STX16: variants seen among roughly 807,000 people sequenced by gnomAD.
STX16 encodes syntaxin 16.
Under a neutral mutation model 42.7 loss-of-function variants are expected in STX16, and 28 were observed. The observed-to-expected ratio is 0.66, with a 90% CI of 0.49 to 0.90. The LOEUF (loss-of-function observed/expected upper bound fraction) is 0.90, where lower values mean the gene tolerates loss of function less well. Among genes scored for constraint, STX16 ranks in the 40% least tolerant of loss-of-function variants. The pLI, the probability that STX16 is intolerant of heterozygous loss-of-function variation, is 0.00. For synonymous variants in STX16, 156 were observed against 155.2 expected (o/e 1.00, Z -0.04); for missense variants, 361 against 420.9 (o/e 0.86, Z 1.24).
At position 58,676,532 on chromosome 20, in the gene STX16, G is replaced by A; in HGVS notation, c.*241G>A. On this transcript the variant is annotated 3_prime_UTR_variant, in exon 9 of 9. Transcript: ENST00000371141. Reference sequence around the variant, plus strand: ...GGACCTTTGATACTGCTGCACAATAGAGATTGAGTTCTGGGATCAGTTATA... The same window carrying A: ...GGACCTTTGATACTGCTGCACAATAAAGATTGAGTTCTGGGATCAGTTATA... The A allele has an allele frequency of 4.3e-6, 2 of 462,398 alleles. No homozygotes were observed. Among genetic ancestry groups the A allele is most frequent in the Non-Finnish European group, 3.8e-6 (1 of 261,640 alleles). The allele number at this position is 462,398 out of a possible 1,614,324, so 28.6% of individuals were successfully genotyped here.
Position 58,664,557 on chromosome 20 carries a change from T to A in STX16, c.145-2933T>A, listed in dbSNP as rs138552863. 4.1e-3 allele frequency among the ~76,000 whole-genome samples: 623 copies of A among 152,348 alleles called. 4 individuals are homozygous for A. The highest frequency in any genetic ancestry group is 7.5e-3 in the Admixed American group (115 of 15,312). The stretch of plus-strand genomic sequence containing the variant: ...TGCTGTTCATGTAGGAATCTCTAAT[T>A]AGCAAGCTTCCTTAGGACCCTTAAC... On this transcript the variant is annotated intron_variant, in intron 2 of 8. Transcript: ENST00000371141.
rs2084210646 is a variant in STX16, at chr20:58,679,161, T to C, written c.*2870T>C. The C allele has an allele frequency of 6.6e-6, 1 of 152,330 alleles. No homozygotes were observed. Among genetic ancestry groups the C allele is most frequent in the East Asian group, 1.9e-4 (1 of 5,196 alleles). The allele number at this position is 152,330 out of a possible 1,614,324, so 9.4% of individuals were successfully genotyped here. On this transcript the variant is annotated 3_prime_UTR_variant, in exon 9 of 9. Transcript: ENST00000371141. The stretch of plus-strand genomic sequence containing the variant: ...ACTGCTGTCTCTTGTTTTGTTCGTT[T>C]TGGGGGTGGTGGTGCTGGCTGGGCC...
Position 58,651,990 on chromosome 20 carries a change from G to A in STX16, c.-17G>A, listed in dbSNP as rs759024848. ...TGGGCGGGGGGCCCCTGAGAGGGGG[G>A]TCGCAAAGGGTGAGACATGGCCACC... On this transcript the variant is annotated 5_prime_UTR_variant, in exon 1 of 9. Transcript: ENST00000371141. The A allele has an allele frequency of 2.2e-5, 36 of 1,613,174 alleles. No homozygotes were observed. Among genetic ancestry groups the A allele is most frequent in the Non-Finnish European group, 3.1e-5 (36 of 1,179,306 alleles).
chr20:58,673,656 A>G lies in STX16; in HGVS notation c.818A>G (p.Tyr273Cys), dbSNP rs1287880920. Residue 273 changes from tyrosine to cysteine, a missense_variant, in exon 8 of 9, where the codon TAT becomes TGT. Physicochemically the swap from Tyr to Cys is radical, Grantham distance 194. Coordinates refer to ENST00000371141, the MANE Select transcript of STX16 (RefSeq NM_001001433.3). ...EQGTVLDRIDYNVEQSCIKTE... is the reference protein window; with the variant it reads ...EQGTVLDRIDCNVEQSCIKTE... ...GGTACAGTCCTTGACAGAATTGACTATAACGTTGAACAGTCCTGTATCAAA... is the reference window on the plus strand; with the variant it reads ...GGTACAGTCCTTGACAGAATTGACTGTAACGTTGAACAGTCCTGTATCAAA... 3.1e-6 allele frequency: 5 copies of G among 1,613,284 alleles called. No homozygotes were observed. The highest frequency in any genetic ancestry group is 1.3e-5 in the African/African-American group (1 of 74,922).
chr20:58,658,319 T>C (rs964681389), intron 1 of STX16, among the ~76,000 whole-genome samples: 2 of 152,214 alleles, frequency 1.3e-5, no homozygotes, highest in Admixed American at 6.5e-5. Context: ...TTTTAAAAAA[T>C]AAAAACATTT....
chr20:58,673,980 A>T (rs2123017792), intron 8 of STX16, among the ~76,000 whole-genome samples: 1 of 152,362 alleles, frequency 6.6e-6, no homozygotes, highest in Non-Finnish European at 1.5e-5. Context: ...TTCTAAAGAG[A>T]TTGGAGTTCT....
chr20:58,667,343 A>G (rs1033693074), intron 2 of STX16, 147 bp from the exon 3 acceptor site: 6 of 743,518 alleles, frequency 8.1e-6, no homozygotes, highest in African/African-American at 1.7e-5. Flanking sequence ...TCCTTTCTAT[A>G]TATTTTCAGG....
chr20:58,665,232 C>T (rs1017510141), intron 2 of STX16, among the ~76,000 whole-genome samples: 2 of 152,190 alleles, frequency 1.3e-5, no homozygotes, highest in South Asian at 2.1e-4. Flanking sequence ...TCTCTGTCCA[C>T]GGATGGTCAG....
rs769904725 is a variant in STX16, at chr20:58,668,172, A to G, written c.393+45A>G. 2.7e-5 allele frequency: 43 copies of G among 1,607,582 alleles called. No homozygotes were observed. The Admixed American group carries it at 6.9e-4, about 26-fold the overall frequency. On this transcript the variant is annotated intron_variant, in intron 4 of 8. Transcript: ENST00000371141. ...CCTGGGGAAACCAGCGAGCCTTCTCATGGCAATCTCAGAAACTAGAGTGTT... is the reference window on the plus strand; with the variant it reads ...CCTGGGGAAACCAGCGAGCCTTCTCGTGGCAATCTCAGAAACTAGAGTGTT...
intron 8 of STX16, among the ~76,000 whole-genome samples, chr20:58,674,716 T>C (rs549656172): frequency 6.6e-6 from 1 of 152,290 alleles, no homozygotes; most frequent in East Asian, 1.9e-4. Context: ...ACCTTGTCTA[T>C]GCAGGGTTTT....
At chr20:58,675,790 A>G (rs1332554385) in intron 8 of STX16, among the ~76,000 whole-genome samples, 1 of 152,088 alleles carries the variant, frequency 6.6e-6, no homozygotes, top group Non-Finnish European at 1.5e-5. Context: ...CGGTGAAGGA[A>G]CTGTGCATTC....
intron 6 of STX16, among the ~76,000 whole-genome samples, chr20:58,670,923 G>C (rs1031451970): frequency 6.6e-6 from 1 of 152,162 alleles, no homozygotes; most frequent in African/African-American, 2.4e-5. Context: ...GCAGACGTGG[G>C]CTTCTGTCTT....
chr20:58,661,901 C>A (rs2083709391), intron 2 of STX16, among the ~76,000 whole-genome samples: 1 of 152,214 alleles, frequency 6.6e-6, no homozygotes, highest in Non-Finnish European at 1.5e-5. Context: ...TTGCATCTCC[C>A]AGAGTAAAGG....
intron 4 of STX16, 112 bp from the exon 5 acceptor site, chr20:58,669,179 C>T (rs2083909231): frequency 8.7e-7 from 1 of 1,154,426 alleles, no homozygotes; most frequent in Non-Finnish European, 1.2e-6. Flanking sequence ...TTTCTCTAAA[C>T]CAGACTGAGT....
chr20:58,670,308 G>C (rs933529247), intron 5 of STX16, among the ~76,000 whole-genome samples: 2 of 152,168 alleles, frequency 1.3e-5, no homozygotes, highest in African/African-American at 4.8e-5. Flanking sequence ...TTTGTCTTGA[G>C]TAATCCCAAA....
intron 1 of STX16, 94 bp from the exon 2 acceptor site, chr20:58,659,529 A>G: frequency 3.0e-6 from 4 of 1,330,554 alleles, no homozygotes; most frequent in South Asian, 2.9e-5. Flanking sequence ...TGTTTTCTCA[A>G]CTGACCATGC....
chr20:58,679,344 C>G lies in STX16; in HGVS notation c.*3053C>G, dbSNP rs769976417. 6.6e-6 allele frequency: 1 copy of G among 152,622 alleles called. No homozygotes were observed. Among genetic ancestry groups the G allele is most frequent in the Non-Finnish European group, 1.5e-5 (1 of 68,046 alleles). 9.5% of individuals were successfully genotyped at this position (152,622 alleles called of 1,614,324 possible). On this transcript the variant is annotated 3_prime_UTR_variant, in exon 9 of 9. Coordinates refer to ENST00000371141, the MANE Select transcript of STX16 (RefSeq NM_001001433.3). ...CTTAAAGGTAATAAAACCCTTCCAA[C>G]GTAATTGGTCAGATAAAACTTTTTT... is the stretch of plus-strand genomic sequence containing the variant.
chr20:58,676,376 A>C lies in STX16; in HGVS notation c.*85A>C. On this transcript the variant is annotated 3_prime_UTR_variant, in exon 9 of 9. Transcript: ENST00000371141. The stretch of plus-strand genomic sequence containing the variant: ...CCTGCGCCCCGCCAGCTGCCCGCAG[A>C]GGTGCAGCCTCGAGGAATCTGAGGG... 8.0e-7 allele frequency: 1 copy of C among 1,244,308 alleles called. No homozygotes were observed. Among genetic ancestry groups the C allele is most frequent in the Non-Finnish European group, 1.2e-6 (1 of 847,068 alleles). 77.1% of individuals were successfully genotyped at this position (1,244,308 alleles called of 1,614,324 possible).
At chr20:58,652,333 G>C in intron 1 of STX16, 195 bp downstream of exon 1, 1 of 761,400 alleles carries the variant, frequency 1.3e-6, no homozygotes, top group East Asian at 3.1e-5. Flanking sequence ...TGAGGCCGCA[G>C]CTCCACCTCT....
Sources: gnomAD v4.1 joint callset for allele counts (sites outside exome capture counted in the v4.1 genomes callset) on GRCh38, gnomAD v4.1.1 for gene constraint, MANE v1.5 for transcripts, NCBI Gene and HGNC (gene_info 2026-07-23, HGNC 2026-07-21) for gene names.